Variants in C2orf66 observed in about 807,000 individuals in gnomAD.
C2orf66 encodes uncharacterized protein C2orf66.
Under a neutral mutation model 7.0 loss-of-function variants are expected in C2orf66, and 6 were observed. That is an observed-to-expected ratio of 0.86 (90% CI 0.47 to 1.69). The LOEUF (loss-of-function observed/expected upper bound fraction) is 1.69. Among genes scored for constraint, C2orf66 ranks in the 40% most tolerant of loss-of-function variants. The pLI is 0.01. For missense variants in C2orf66, 107 were observed against 112.0 expected (o/e 0.96, Z 0.20); for synonymous variants, 38 against 43.8 (o/e 0.87, Z 0.52).
chr2:196,831,732 A>T, the C2orf66 span, among the ~76,000 whole-genome samples: 1 of 152,136 alleles, frequency 6.6e-6, no homozygotes. Context: ...ATCTCCTAGC[A>T]CACAAGTCCC....
At chr2:196,814,127 G>C (rs1699901793), upstream of C2orf66, among the ~76,000 whole-genome samples, 1 of 152,164 alleles carries the variant, frequency 6.6e-6, no homozygotes, top group South Asian at 2.1e-4. Context: ...GCACACATAT[G>C]TCTATTGCAG....
upstream of C2orf66, chr2:196,809,667 A>C (rs547820281): frequency 3.6e-5 from 9 of 252,918 alleles, no homozygotes; most frequent in East Asian, 6.4e-4. Context: ...GTCTCCAAAG[A>C]AACTGCAACT....
the C2orf66 span, among the ~76,000 whole-genome samples, chr2:196,817,711 C>T: frequency 6.6e-6 from 1 of 152,098 alleles, no homozygotes; most frequent in East Asian, 1.9e-4. Context: ...GACAGACACT[C>T]CCAGAGCGGC....
chr2:196,813,481 G>T (rs1436512241), upstream of C2orf66, among the ~76,000 whole-genome samples: 1 of 152,146 alleles, frequency 6.6e-6, no homozygotes, highest in Non-Finnish European at 1.5e-5. Flanking sequence ...AACCCTAGAA[G>T]AAAACCTAGG....
At chr2:196,822,556 C>T in the C2orf66 span, among the ~76,000 whole-genome samples, 1 of 152,142 alleles carries the variant, frequency 6.6e-6, no homozygotes, top group African/African-American at 2.4e-5. Context: ...GTATAGTTTT[C>T]TCTATTCTTT....
chr2:196,814,216 T>C (rs1418723133), upstream of C2orf66, among the ~76,000 whole-genome samples: 1 of 152,112 alleles, frequency 6.6e-6, no homozygotes, highest in African/African-American at 2.4e-5. Context: ...ACATGGCACA[T>C]ATACACCATG....
chr2:196,821,928 CTTTTTTTTTTTTTTTTTT>C, the C2orf66 span, among the ~76,000 whole-genome samples: 2 of 32,252 alleles, frequency 6.2e-5, no homozygotes, highest in South Asian at 2.0e-3. Flanking sequence ...AACCAGTGAG[CTTTTTTTTTTTTTTTTTT>C]TTTTTTTTTT....
the C2orf66 span, among the ~76,000 whole-genome samples, chr2:196,829,093 AT>A: frequency 2.7e-3 from 410 of 151,740 alleles, 2 homozygotes; most frequent in East Asian, 0.021. Context: ...ACACACGCAC[AT>A]TTTTTTTCAC....
At chr2:196,830,115 ATTGT>A in the C2orf66 span, among the ~76,000 whole-genome samples, 1 of 152,020 alleles carries the variant, frequency 6.6e-6, no homozygotes, top group Non-Finnish European at 1.5e-5. Flanking sequence ...CTCTCAAATT[ATTGT>A]TTCTTTTGGC....
chr2:196,823,568 A>C, the C2orf66 span, among the ~76,000 whole-genome samples: 1 of 152,098 alleles, frequency 6.6e-6, no homozygotes, highest in Non-Finnish European at 1.5e-5. Flanking sequence ...GAGAGGCTGC[A>C]GTGAGCTGAG....
intron 1 of C2orf66, 22 bp from the exon 2 acceptor site, chr2:196,807,644 T>C: frequency 6.3e-7 from 1 of 1,583,056 alleles, no homozygotes; most frequent in Non-Finnish European, 8.6e-7. Flanking sequence ...AAGAAAATGG[T>C]CAATGCCAGA....
At chr2:196,809,484 A>G, upstream of C2orf66, 1 of 1,160,308 alleles carries the variant, frequency 8.6e-7, no homozygotes, top group Admixed American at 2.3e-5. Context: ...TAAGTTTTAC[A>G]GCCATCTTTT....
upstream of C2orf66, among the ~76,000 whole-genome samples, chr2:196,813,708 C>G (rs138102566): frequency 6.6e-6 from 1 of 152,152 alleles, no homozygotes; most frequent in African/African-American, 2.4e-5. Flanking sequence ...CCAGAATCTA[C>G]AAAGAACTTA....
chr2:196,807,766 C>A, intron 1 of C2orf66, 144 bp from the exon 2 acceptor site: 3 of 650,348 alleles, frequency 4.6e-6, no homozygotes, highest in Non-Finnish European at 7.9e-6. Flanking sequence ...AATACAAGTA[C>A]ATGCTTCAGC....
chr2:196,818,897 C>T, the C2orf66 span, among the ~76,000 whole-genome samples: 1 of 152,228 alleles, frequency 6.6e-6, no homozygotes, highest in Admixed American at 6.5e-5. Context: ...TGAGGTAAAG[C>T]TCACATGCAT....
At chr2:196,813,903 A>T (rs1699899479), upstream of C2orf66, among the ~76,000 whole-genome samples, 1 of 152,242 alleles carries the variant, frequency 6.6e-6, no homozygotes, top group Non-Finnish European at 1.5e-5. Context: ...AATGGCAATC[A>T]TTAAAAAGTC....
At chr2:196,831,348 T>G in the C2orf66 span, among the ~76,000 whole-genome samples, 1 of 152,224 alleles carries the variant, frequency 6.6e-6, no homozygotes, top group Admixed American at 6.5e-5. Context: ...ATAGTCCAAT[T>G]TTCCTACCTT....
chr2:196,824,763 T>C, the C2orf66 span, among the ~76,000 whole-genome samples: 2 of 152,164 alleles, frequency 1.3e-5, no homozygotes, highest in Non-Finnish European at 1.5e-5. Context: ...TGTATCACTA[T>C]ACATAGATAT....
upstream of C2orf66, chr2:196,810,243 C>A (rs1272214100): frequency 6.6e-6 from 1 of 152,106 alleles, no homozygotes; most frequent in Non-Finnish European, 1.5e-5. Flanking sequence ...AAGGGATACA[C>A]CTGGAAATAT....
Sources: gnomAD v4.1 joint callset for allele counts (sites outside exome capture counted in the v4.1 genomes callset) on GRCh38, gnomAD v4.1.1 for gene constraint, MANE v1.5 for transcripts, NCBI Gene and HGNC (gene_info 2026-07-23, HGNC 2026-07-21) for gene names.